Variants in BNIP3 observed in about 807,000 individuals in gnomAD.
BNIP3 encodes the protein BCL2 interacting protein 3.
A neutral mutation model predicts 23.9 loss-of-function variants in BNIP3; 16 were observed. The ratio of observed to expected loss-of-function variants is 0.67; its 90% CI spans 0.45 to 1.01. BNIP3 has a LOEUF of 1.01. Ranked by LOEUF, BNIP3 falls within the 50% of genes least tolerant of loss-of-function variation. The pLI, the probability that BNIP3 is intolerant of heterozygous loss-of-function variation, is 0.00. For missense variants in BNIP3, 198 were observed against 248.7 expected (o/e 0.80, Z 1.37); for synonymous variants, 81 against 89.3 (o/e 0.91, Z 0.53).
Position 131,977,801 on chromosome 10 carries a change from C to G in BNIP3, c.47-3858G>C, listed in dbSNP as rs186194640. 1.4e-4 allele frequency among the ~76,000 whole-genome samples: 22 copies of G among 152,298 alleles called. No individual in the cohort carries two copies. The East Asian group carries it at 4.0e-3, about 28-fold the overall frequency. On this transcript the variant is annotated intron_variant, in intron 1 of 5. Coordinates refer to ENST00000368636, the MANE Select transcript of BNIP3 (RefSeq NM_004052.4). ...AGGAAACAAGGAAAAAAAACTCACT[C>G]CAGATTGTCCATGGCTAATGACTTT... is the stretch of plus-strand genomic sequence containing the variant.
Position 131,973,094 on chromosome 10 carries a change from T to C in BNIP3, c.222A>G (p.Gln74=), listed in dbSNP as rs1414218462. The C allele has an allele frequency of 4.3e-6, 7 of 1,613,702 alleles. No homozygotes were observed. The highest frequency in any genetic ancestry group is 4.2e-6 in the Non-Finnish European group (5 of 1,179,700). Residue 74 remains glutamine (Q), a synonymous_variant, in exon 3 of 6, where the codon CAA becomes CAG. Transcript: ENST00000368636. ...CDSPPRSQTP[Q]DTNRASETDT... is the part of the protein sequence containing the mutation. ...CTGTTTCAGAAGCTCTGTTGGTATCTTGTGGTGTCTGCGAGCGAGGTGGGC... is the reference window on the plus strand; with the variant it reads ...CTGTTTCAGAAGCTCTGTTGGTATCCTGTGGTGTCTGCGAGCGAGGTGGGC...
chr10:131,970,850 G>A lies in BNIP3; in HGVS notation c.389+14C>T, dbSNP rs911324272. On this transcript the variant is annotated intron_variant, in intron 4 of 5. Transcript: ENST00000368636. The surrounding 1 kb of genome is among the most constrained non-coding windows in gnomAD (Gnocchi z 4.1). ...TGTCAAGGGGTGCCCCCGTGACACTGAGAACACACTCACTTGGGGGGAATA... is the reference window on the plus strand; with the variant it reads ...TGTCAAGGGGTGCCCCCGTGACACTAAGAACACACTCACTTGGGGGGAATA... 3 of 1,614,088 alleles carry A rather than the reference G, an allele frequency of 1.9e-6. No homozygotes were observed. Among genetic ancestry groups the A allele is most frequent in the Non-Finnish European group, 2.5e-6 (3 of 1,180,022 alleles).
rs184550701 is a variant in BNIP3, at chr10:131,972,350, T to G, written c.282+684A>C. 2.7e-3 allele frequency among the ~76,000 whole-genome samples: 405 copies of G among 152,270 alleles called. 5 individuals carry two copies. Among genetic ancestry groups the G allele is most frequent in the African/African-American group, 9.2e-3 (381 of 41,558 alleles). The stretch of plus-strand genomic sequence containing the variant: ...TGAGCCCTGGAGTTCAAGACCACCC[T>G]GGGCAACACAGGGAGACCCCGTCTC... On this transcript the variant is annotated intron_variant, in intron 3 of 5. Transcript: ENST00000368636.
At chr10:131,971,699 C>T (rs2037035368) in intron 3 of BNIP3, among the ~76,000 whole-genome samples, 1 of 152,206 alleles carries the variant, frequency 6.6e-6, no homozygotes, top group African/African-American at 2.4e-5. Context: ...TATAGCTCCC[C>T]AAACCCACCA....
In BNIP3 at chr10:131,970,402, A is replaced by T. The variant is rs1193250361; in HGVS notation, c.539+236T>A. 1.2e-5 allele frequency: 7 copies of T among 591,338 alleles called. No individual in the cohort carries two copies. Among genetic ancestry groups the T allele is most frequent in the Non-Finnish European group, 1.2e-5 (4 of 338,264 alleles). The allele number at this position is 591,338 out of a possible 1,614,324, so 36.6% of individuals were successfully genotyped here. ...TTGACTCCGTTTATATTCAGTGAGC[A>T]ACAGGCAGACTCGTCAGGCCAGACA... On this transcript the variant is annotated intron_variant, in intron 5 of 5. Transcript: ENST00000368636. This position sits in a 1 kb window ranked among gnomAD's most constrained non-coding sequence, Gnocchi z 4.1.
intron 2 of BNIP3, 140 bp from the exon 3 acceptor site, chr10:131,973,258 A>G (rs2037054451): frequency 1.3e-6 from 1 of 781,090 alleles, no homozygotes; most frequent in Non-Finnish European, 2.1e-6. Flanking sequence ...CCTTCCACCC[A>G]GCACCTGCCA....
rs1469772388 is a variant in BNIP3, at chr10:131,970,266, G to A, written c.539+372C>T. 2 of 237,916 alleles carry A rather than the reference G, an allele frequency of 8.4e-6. No individual in the cohort carries two copies. Among genetic ancestry groups the A allele is most frequent in the African/African-American group, 2.3e-5 (1 of 43,982 alleles). 14.7% of individuals were successfully genotyped at this position (237,916 alleles called of 1,614,324 possible). ...TGGAGGAAGTACAGCAGGTAACTGA[G>A]ACCCTCCACCTACAGCAGAGCTGGG... On this transcript the variant is annotated intron_variant, in intron 5 of 5. Coordinates refer to ENST00000368636, the MANE Select transcript of BNIP3 (RefSeq NM_004052.4). This position sits in a 1 kb window ranked among gnomAD's most constrained non-coding sequence, Gnocchi z 4.1.
intron 3 of BNIP3, chr10:131,971,220 CGTAAA>C: frequency 2.0e-6 from 1 of 508,642 alleles, no homozygotes; most frequent in Non-Finnish European, 3.6e-6. Flanking sequence ...CCACTCAGGG[CGTAAA>C]TACATTTGGT....
chr10:131,970,531 T>A lies in BNIP3; in HGVS notation c.539+107A>T, dbSNP rs1049707816. ...GGGTGTTTGTGAAAATGCACCAAGCTGTAACTGATGATCTGGACTTCAGGA... is the reference window on the plus strand; with the variant it reads ...GGGTGTTTGTGAAAATGCACCAAGCAGTAACTGATGATCTGGACTTCAGGA... On this transcript the variant is annotated intron_variant, in intron 5 of 5. Transcript: ENST00000368636. The surrounding 1 kb of genome is among the most constrained non-coding windows in gnomAD (Gnocchi z 4.1). The A allele has an allele frequency of 8.4e-6, 12 of 1,427,750 alleles. No individual in the cohort carries two copies. In the Admixed American group the frequency reaches 2.5e-4, roughly 30 times the overall value. 88.4% of individuals were successfully genotyped at this position (1,427,750 alleles called of 1,614,324 possible).
chr10:131,977,875 TTTA>T lies in BNIP3; in HGVS notation c.46+3883_46+3885del, dbSNP rs539895134. On this transcript the variant is annotated intron_variant, in intron 1 of 5. Coordinates refer to ENST00000368636, the MANE Select transcript of BNIP3 (RefSeq NM_004052.4). The stretch of plus-strand genomic sequence containing the variant: ...GAATGATTTACTAAGGGACAGGAGT[TTTA>T]TTATTAACCCACAGCAACCGCGTAG... 3.6e-3 allele frequency among the ~76,000 whole-genome samples: 547 copies of T among 152,288 alleles called. 3 individuals carry two copies. The highest frequency in any genetic ancestry group is 6.5e-3 in the Non-Finnish European group (439 of 68,034).
intron 1 of BNIP3, among the ~76,000 whole-genome samples, chr10:131,978,610 G>A (rs1418212903): frequency 6.6e-6 from 1 of 152,112 alleles, no homozygotes; most frequent in East Asian, 1.9e-4. Context: ...CCCTAACCTG[G>A]GGTGACAACC....
intron 1 of BNIP3, among the ~76,000 whole-genome samples, chr10:131,978,380 G>GT (rs2037095497): frequency 7.1e-6 from 1 of 141,686 alleles, no homozygotes; most frequent in Admixed American, 7.2e-5. Context: ...CTCACTTTGT[G>GT]TAAAAAAAAA....
intron 5 of BNIP3, chr10:131,968,917 C>A: frequency 5.1e-6 from 1 of 196,942 alleles, no homozygotes; most frequent in Non-Finnish European, 1.1e-5. Flanking sequence ...TCACCACCAG[C>A]CTCACCAAAG....
chr10:131,979,802 G>C (rs890697980), intron 1 of BNIP3, among the ~76,000 whole-genome samples: 1 of 152,262 alleles, frequency 6.6e-6, no homozygotes, highest in Non-Finnish European at 1.5e-5. Flanking sequence ...GTTGGCCCCA[G>C]AGGGTACACT....
intron 5 of BNIP3, 184 bp from the exon 6 acceptor site, chr10:131,968,753 A>AT: frequency 1.9e-6 from 1 of 522,000 alleles, no homozygotes; most frequent in South Asian, 2.5e-5. Flanking sequence ...ATCAATATGT[A>AT]TTTTGTATTA....
At chr10:131,981,712 G>C (rs1233791020) in intron 1 of BNIP3, 49 bp downstream of exon 1, 3 of 1,457,380 alleles carry the variant, frequency 2.1e-6, no homozygotes, top group Admixed American at 2.5e-5. Flanking sequence ...CCTTCCCCAG[G>C]CTTCCCCCCC....
intron 3 of BNIP3, among the ~76,000 whole-genome samples, chr10:131,972,659 G>A (rs1364083217): frequency 3.3e-5 from 5 of 152,184 alleles, no homozygotes; most frequent in South Asian, 2.1e-4. Context: ...CAGCAACCAC[G>A]AGGAAAGACC....
intron 2 of BNIP3, chr10:131,973,553 T>C (rs1346764267): frequency 1.2e-5 from 7 of 560,558 alleles, no homozygotes; most frequent in Non-Finnish European, 2.2e-5. Context: ...TTTGTGGCTG[T>C]TCCGCTGCCT....
intron 1 of BNIP3, among the ~76,000 whole-genome samples, chr10:131,979,825 T>C (rs1031634191): frequency 6.6e-6 from 1 of 152,026 alleles, no homozygotes; most frequent in Non-Finnish European, 1.5e-5. Context: ...GAGGAGAGAG[T>C]GCTTGCTGCT....
Sources: gnomAD v4.1 joint callset for allele counts (sites outside exome capture counted in the v4.1 genomes callset) on GRCh38, gnomAD v4.1.1 for gene constraint, Gnocchi (gnomAD v3.1) non-coding constraint, MANE v1.5 for transcripts, NCBI Gene and HGNC (gene_info 2026-07-23, HGNC 2026-07-21) for gene names.